CAMTA1: variants seen among roughly 807,000 people sequenced by gnomAD.
CAMTA1 encodes the protein calmodulin-binding transcription activator 1.
A neutral mutation model predicts 170.9 loss-of-function variants in CAMTA1; 27 were observed. The observed-to-expected ratio is 0.16, with a 90% confidence interval of 0.12 to 0.22. CAMTA1 has a LOEUF of 0.22. Ranked by LOEUF, CAMTA1 falls within the 10% of genes least tolerant of loss-of-function variation. The probability of loss-of-function intolerance (pLI) is 1.00; values close to 1 mark genes in which losing one functional copy is unlikely to be tolerated. For synonymous variants in CAMTA1, 833 were observed against 891.5 expected, an observed-to-expected ratio of 0.93 and a Z score of 1.17; for missense variants, 1,619 against 2,217.2, an observed-to-expected ratio of 0.73 and a Z score of 5.42.
chr1:7,387,158 C>T (rs1171396014), intron 5 of CAMTA1, among the ~76,000 whole-genome samples: 1 of 152,058 alleles, frequency 6.6e-6, no homozygotes, highest in Non-Finnish European at 1.5e-5. Flanking sequence ...ACTTCTCTCC[C>T]ACAAATCCAT....
intron 3 of CAMTA1, among the ~76,000 whole-genome samples, chr1:6,892,077 C>T (rs1227378093): frequency 6.6e-6 from 1 of 152,216 alleles, no homozygotes; most frequent in Non-Finnish European, 1.5e-5. Context: ...TGTGGTTCCC[C>T]TCTTAAAATG....
intron 3 of CAMTA1, among the ~76,000 whole-genome samples, chr1:6,995,140 C>T (rs1304870155): frequency 1.3e-5 from 2 of 151,542 alleles, no homozygotes; most frequent in Admixed American, 6.6e-5. Context: ...ATCACCAAGG[C>T]TTGTTCATGT....
chr1:6,927,474 T>A (rs1557840397), intron 3 of CAMTA1, among the ~76,000 whole-genome samples: 1 of 152,286 alleles, frequency 6.6e-6, no homozygotes, highest in Non-Finnish European at 1.5e-5. Context: ...CACATAATTT[T>A]AAAAATTCCA....
chr1:7,335,474 C>T (rs1290604389), intron 5 of CAMTA1, among the ~76,000 whole-genome samples: 1 of 152,192 alleles, frequency 6.6e-6, no homozygotes, highest in Non-Finnish European at 1.5e-5. Context: ...TGAGTGATCT[C>T]GGCCCTGAAC....
intron 3 of CAMTA1, among the ~76,000 whole-genome samples, chr1:6,969,303 G>A (rs1692116587): frequency 6.6e-6 from 1 of 152,162 alleles, no homozygotes; most frequent in Non-Finnish European, 1.5e-5. Context: ...TTGTGGAGGC[G>A]GCAGCGGGAT....
At chr1:7,201,970 C>T (rs576859123) in intron 4 of CAMTA1, among the ~76,000 whole-genome samples, 12 of 152,204 alleles carry the variant, frequency 7.9e-5, no homozygotes, top group African/African-American at 2.2e-4. Context: ...AATCCAAGGC[C>T]GTGAATGTTT....
intron 6 of CAMTA1, among the ~76,000 whole-genome samples, chr1:7,469,030 G>A (rs1250922846): frequency 6.6e-6 from 1 of 152,178 alleles, no homozygotes; most frequent in Non-Finnish European, 1.5e-5. Context: ...TCTATCCATC[G>A]GCTCTGCCCA....
chr1:7,563,040 C>T lies in CAMTA1; in HGVS notation c.511-77360C>T, dbSNP rs531089131. On this transcript the variant is annotated intron_variant, in intron 6 of 22. Coordinates refer to ENST00000303635, the MANE Select transcript of CAMTA1 (RefSeq NM_015215.4). The stretch of plus-strand genomic sequence containing the variant: ...ACATTCTAGAGACGACTCTCAACAG[C>T]CAGCCCCTGCTGGGACTTTTGTGGC... 2.0e-5 allele frequency among the ~76,000 whole-genome samples: 3 copies of T among 152,346 alleles called. No individual in the cohort carries two copies. In the East Asian group the frequency reaches 5.8e-4, roughly 29 times the overall value.
At chr1:6,880,999 T>G (rs1237468828) in intron 3 of CAMTA1, among the ~76,000 whole-genome samples, 1 of 152,196 alleles carries the variant, frequency 6.6e-6, no homozygotes, top group Non-Finnish European at 1.5e-5. Flanking sequence ...ATTTATTAAC[T>G]CACTCTTCAG....
At position 6,868,528 on chromosome 1, in the gene CAMTA1, G is replaced by A. The variant is rs112199124; in HGVS notation, c.234+43318G>A. Among the ~76,000 whole-genome samples the A allele has an allele frequency of 6.3e-4, 96 of 152,034 alleles. 1 individual carries two copies. The highest frequency in any genetic ancestry group is 6.0e-3 in the Admixed American group (92 of 15,268). On this transcript the variant is annotated intron_variant, in intron 3 of 22. Coordinates refer to ENST00000303635, the MANE Select transcript of CAMTA1 (RefSeq NM_015215.4). ...GTAATATGCCTGAGGTGAAAATGGC[G>A]GCATTTCTGTCATGATTTAACCTTA... is the stretch of plus-strand genomic sequence containing the variant.
chr1:6,916,926 G>A (rs945452979), intron 3 of CAMTA1, among the ~76,000 whole-genome samples: 3 of 152,184 alleles, frequency 2.0e-5, no homozygotes, highest in African/African-American at 4.8e-5. Flanking sequence ...GCCTGTTGAG[G>A]TACATGAGGG....
At chr1:7,142,873 G>A in intron 4 of CAMTA1, among the ~76,000 whole-genome samples, 1 of 152,214 alleles carries the variant, frequency 6.6e-6, no homozygotes, top group African/African-American at 2.4e-5. Context: ...AACAGACTAA[G>A]ACAGGTGCCT....
At chr1:7,023,647 T>G (rs1021462928) in intron 3 of CAMTA1, among the ~76,000 whole-genome samples, 1 of 152,124 alleles carries the variant, frequency 6.6e-6, no homozygotes. Context: ...ATAAAACATG[T>G]AATAATTGCA....
chr1:7,290,094 T>G (rs1303218825), intron 5 of CAMTA1, among the ~76,000 whole-genome samples: 1 of 152,224 alleles, frequency 6.6e-6, no homozygotes, highest in African/African-American at 2.4e-5. Context: ...GAGACTGATA[T>G]AGTGGGGAAC....
chr1:7,659,528 T>C (rs1363891344), intron 7 of CAMTA1, among the ~76,000 whole-genome samples: 1 of 151,894 alleles, frequency 6.6e-6, no homozygotes, highest in African/African-American at 2.4e-5. Flanking sequence ...AGCGAGACTC[T>C]GTCTCAAAAA....
intron 6 of CAMTA1, among the ~76,000 whole-genome samples, chr1:7,550,990 T>C (rs1047029557): frequency 1.3e-5 from 2 of 152,172 alleles, no homozygotes; most frequent in African/African-American, 4.8e-5. Context: ...CCGCTTCATT[T>C]TAATGGATTT....
chr1:7,658,400 G>A (rs1475509749), intron 7 of CAMTA1, among the ~76,000 whole-genome samples: 1 of 152,132 alleles, frequency 6.6e-6, no homozygotes, highest in Non-Finnish European at 1.5e-5. Context: ...AGGAGCCTCT[G>A]CAGAGCTCTA....
At chr1:7,500,520 C>T (rs1366034514) in intron 6 of CAMTA1, among the ~76,000 whole-genome samples, 2 of 152,104 alleles carry the variant, frequency 1.3e-5, no homozygotes, top group Non-Finnish European at 2.9e-5. Context: ...TTGAGCAAAG[C>T]TCAGGCTACT....
chr1:7,102,317 G>A (rs1473202760), intron 4 of CAMTA1, among the ~76,000 whole-genome samples: 2 of 152,144 alleles, frequency 1.3e-5, no homozygotes, highest in African/African-American at 2.4e-5. Flanking sequence ...AGCCACGTCC[G>A]GGAGGGGAGG....
Sources: allele counts gnomAD v4.1 joint callset (sites outside exome capture counted in the v4.1 genomes callset), GRCh38; gene constraint gnomAD v4.1.1; transcripts MANE v1.5; gene names NCBI Gene and HGNC (gene_info 2026-07-23, HGNC 2026-07-21).